The following EPB42 variants were observed in gnomAD, a reference collection of about 807,000 sequenced individuals.
EPB42 encodes the protein protein 4.2.
EPB42 carries 49 observed loss-of-function variants against 76.9 expected under a neutral mutation model. That is an observed-to-expected ratio of 0.64 (90% CI 0.51 to 0.81). The LOEUF (loss-of-function observed/expected upper bound fraction) is 0.81, where lower values mean the gene tolerates loss of function less well. EPB42 is among the 30% of genes least tolerant of loss of function. The pLI, the probability that EPB42 is intolerant of heterozygous loss-of-function variation, is 0.00. For missense variants in EPB42, 731 were observed against 867.6 expected, an observed-to-expected ratio of 0.84 and a Z score of 1.98; for synonymous variants, 310 against 338.4, an observed-to-expected ratio of 0.92 and a Z score of 0.92.
chr15:43,220,111 G>C (rs2042435394), intron 1 of EPB42, among the ~76,000 whole-genome samples: 1 of 152,008 alleles, frequency 6.6e-6, no homozygotes, highest in Non-Finnish European at 1.5e-5. Flanking sequence ...AGGGGAGTGA[G>C]GCAGTTTCTA....
At chr15:43,205,277 G>C (rs1266686832) in intron 10 of EPB42, among the ~76,000 whole-genome samples, 1 of 152,188 alleles carries the variant, frequency 6.6e-6, no homozygotes. Context: ...CTGGAGGTGA[G>C]GTGACCGGTT....
intron 4 of EPB42, 64 bp from the exon 5 acceptor site, chr15:43,210,503 C>G: frequency 6.9e-7 from 1 of 1,445,232 alleles, no homozygotes; most frequent in Non-Finnish European, 9.7e-7. Context: ...GAAGGGTCCC[C>G]AGGTCAGGCA....
At chr15:43,225,510 G>A (rs1276004636), upstream of EPB42, among the ~76,000 whole-genome samples, 1 of 152,140 alleles carries the variant, frequency 6.6e-6, no homozygotes, top group East Asian at 1.9e-4. Flanking sequence ...CAGAGATCCA[G>A]TCTCTGGCAG....
At chr15:43,202,692 C>T (rs2042144284) in intron 11 of EPB42, among the ~76,000 whole-genome samples, 1 of 152,170 alleles carries the variant, frequency 6.6e-6, no homozygotes, top group African/African-American at 2.4e-5. Context: ...GAGCCATAAG[C>T]CTCTAGAACT....
At chr15:43,203,329 C>T in intron 10 of EPB42, 54 bp from the exon 11 acceptor site, 3 of 1,608,524 alleles carry the variant, frequency 1.9e-6, no homozygotes, top group South Asian at 2.2e-5. Context: ...ACCCCAGAAA[C>T]AGCCATAGTT....
intron 3 of EPB42, among the ~76,000 whole-genome samples, chr15:43,213,076 T>G (rs916308389): frequency 6.6e-6 from 1 of 152,160 alleles, no homozygotes; most frequent in Non-Finnish European, 1.5e-5. Flanking sequence ...CCTCCACTCC[T>G]GCCTTCCATC....
upstream of EPB42, among the ~76,000 whole-genome samples, chr15:43,225,314 A>T (rs1465382635): frequency 2.0e-5 from 3 of 152,196 alleles, no homozygotes; most frequent in Non-Finnish European, 4.4e-5. Context: ...AATATTTTTA[A>T]AGTAACAAAA....
intron 2 of EPB42, among the ~76,000 whole-genome samples, chr15:43,215,955 G>A (rs144375945): frequency 0.048 from 7,278 of 152,296 alleles, 582 homozygotes; most frequent in African/African-American, 0.16. Context: ...GCCTCCCAAA[G>A]CGCTGGGATT....
chr15:43,202,182 T>C (rs1222348085), intron 11 of EPB42, among the ~76,000 whole-genome samples: 2 of 152,188 alleles, frequency 1.3e-5, no homozygotes, highest in East Asian at 3.9e-4. Context: ...ATTTCTGATG[T>C]CGCCTCTCCT....
chr15:43,209,303 G>T lies in EPB42; in HGVS notation c.803C>A (p.Ala268Asp), dbSNP rs766269860. The change falls in exon 6 of 13, where the codon GCC becomes GAC. Residue 268 changes from alanine (A) to aspartate (D), a missense_variant. By Grantham distance (126) the Ala-to-Asp change is moderately radical. Coordinates refer to ENST00000441366, the MANE Select transcript of EPB42 (RefSeq NM_001114134.2). ...GRGRPVYDGQAWVLAAVACTV... is the reference protein window; with the variant it reads ...GRGRPVYDGQDWVLAAVACTV... ...GCAAGCAACAGCAGCCAACACCCAG[G>T]CCTGGCCATCATACACAGGTCGGCC... 12 of 1,614,040 alleles carry T rather than the reference G, an allele frequency of 7.4e-6. No individual in the cohort carries two copies. Among genetic ancestry groups the T allele is most frequent in the African/African-American group, 1.3e-5 (1 of 74,930 alleles).
intron 12 of EPB42, among the ~76,000 whole-genome samples, chr15:43,197,943 A>G (rs2042068700): frequency 6.6e-6 from 1 of 152,176 alleles, no homozygotes; most frequent in Admixed American, 6.5e-5. Flanking sequence ...TGGGCTTATC[A>G]GAGGTTTCTG....
upstream of EPB42, among the ~76,000 whole-genome samples, chr15:43,223,913 C>T (rs940972635): frequency 6.6e-5 from 10 of 152,118 alleles, no homozygotes; most frequent in African/African-American, 2.4e-4. Flanking sequence ...GTGGAGGTTG[C>T]AGTTAGCCAA....
At chr15:43,225,117 T>C (rs2042496500), upstream of EPB42, among the ~76,000 whole-genome samples, 1 of 152,218 alleles carries the variant, frequency 6.6e-6, no homozygotes, top group African/African-American at 2.4e-5. Flanking sequence ...GAGAACAATG[T>C]GAATAGTATA....
At chr15:43,209,482 G>A (rs778870167) in intron 5 of EPB42, 31 bp from the exon 6 acceptor site, 2 of 1,595,854 alleles carry the variant, frequency 1.3e-6, no homozygotes, top group Non-Finnish European at 1.7e-6. Context: ...ATGTCAGTAT[G>A]AGTCCCTTGG....
At chr15:43,214,376 C>T (rs2042344549) in intron 3 of EPB42, among the ~76,000 whole-genome samples, 1 of 152,220 alleles carries the variant, frequency 6.6e-6, no homozygotes, top group South Asian at 2.1e-4. Flanking sequence ...CACCTGACCC[C>T]AGGGAAGCCG....
At chr15:43,215,421 A>G in intron 2 of EPB42, 93 bp from the exon 3 acceptor site, 1 of 1,411,800 alleles carries the variant, frequency 7.1e-7, no homozygotes. Flanking sequence ...GAGCAGGTGA[A>G]ATTTGTTTTT....
At chr15:43,214,526 G>A (rs1040896906) in intron 3 of EPB42, among the ~76,000 whole-genome samples, 2 of 151,626 alleles carry the variant, frequency 1.3e-5, no homozygotes, top group Non-Finnish European at 2.9e-5. Context: ...GGAAGCGGAA[G>A]CAGAAGCTTG....
chr15:43,208,109 G>A (rs1027854061), intron 8 of EPB42, 121 bp downstream of exon 8: 18 of 820,208 alleles, frequency 2.2e-5, no homozygotes, highest in Middle Eastern at 3.4e-4. Flanking sequence ...GTCATGCCTC[G>A]TGCTTCTACT....
intron 1 of EPB42, among the ~76,000 whole-genome samples, chr15:43,216,791 C>T (rs1229186255): frequency 1.3e-5 from 2 of 152,092 alleles, no homozygotes; most frequent in Non-Finnish European, 2.9e-5. Context: ...TTTTCTGGTC[C>T]CAATCCACAA....
Sources: allele counts gnomAD v4.1 joint callset (sites outside exome capture counted in the v4.1 genomes callset), GRCh38; gene constraint gnomAD v4.1.1; transcripts MANE v1.5; gene names NCBI Gene and HGNC (gene_info 2026-07-23, HGNC 2026-07-21).